ANTXR1: variants seen among roughly 807,000 people sequenced by gnomAD.
ANTXR1 encodes anthrax toxin receptor 1.
A neutral mutation model predicts 78.1 loss-of-function variants in ANTXR1; 19 were observed. The ratio of observed to expected loss-of-function variants is 0.24; its 90% CI spans 0.17 to 0.36. The LOEUF (loss-of-function observed/expected upper bound fraction) is 0.36, where lower values mean the gene tolerates loss of function less well. Ranked by LOEUF, ANTXR1 falls within the 10% of genes least tolerant of loss-of-function variation. ANTXR1 has a pLI of 1.00. For synonymous variants in ANTXR1, 273 were observed against 260.5 expected (o/e 1.05, Z -0.46); for missense variants, 518 against 718.6 (o/e 0.72, Z 3.19).
intron 13 of ANTXR1, among the ~76,000 whole-genome samples, chr2:69,159,926 A>G (rs1402258863): frequency 5.3e-5 from 8 of 152,262 alleles, no homozygotes; most frequent in Admixed American, 5.2e-4. Context: ...AAAATAAAGC[A>G]TTAAAATAAT....
At chr2:69,210,260 A>G (rs76269137) in intron 17 of ANTXR1, among the ~76,000 whole-genome samples, 1,825 of 152,322 alleles carry the variant, frequency 0.012, 39 homozygotes, top group East Asian at 0.096. Flanking sequence ...TGCCCAGAAG[A>G]CAAAATGAAA....
intron 3 of ANTXR1, among the ~76,000 whole-genome samples, chr2:69,070,365 T>G (rs548038465): frequency 6.6e-6 from 1 of 152,274 alleles, no homozygotes; most frequent in African/African-American, 2.4e-5. Flanking sequence ...TCATTTCCAA[T>G]GTAGAAGGAA....
chr2:69,031,533 G>A (rs1378705117), intron 1 of ANTXR1, among the ~76,000 whole-genome samples: 8 of 152,182 alleles, frequency 5.3e-5, no homozygotes, highest in African/African-American at 1.9e-4. Context: ...ACAGTCTATA[G>A]GGTAATTGGC....
At chr2:69,016,705 A>G (rs1671036722) in intron 1 of ANTXR1, among the ~76,000 whole-genome samples, 1 of 152,240 alleles carries the variant, frequency 6.6e-6, no homozygotes, top group Non-Finnish European at 1.5e-5. Context: ...ATATGGTACT[A>G]CTATTTGTCT....
At chr2:69,058,947 T>C (rs1327946415) in intron 3 of ANTXR1, among the ~76,000 whole-genome samples, 1 of 152,174 alleles carries the variant, frequency 6.6e-6, no homozygotes. Context: ...ACCACAGATG[T>C]GGTGGAAACA....
rs746216075 is a variant in ANTXR1, at chr2:69,124,529, CCTG to C, written c.873-32_873-30del. 3.1e-6 allele frequency: 5 copies of C among 1,600,908 alleles called. No homozygotes were observed. The African/African-American group carries it at 6.7e-5, about 21-fold the overall frequency. ...TCTCAGCCTGTTGCTCATTGCACGCCCTGCTGAGAGTCTGCTTCCCTTGTTGTC... is the reference window on the plus strand; with the variant it reads ...TCTCAGCCTGTTGCTCATTGCACGCCCTGAGAGTCTGCTTCCCTTGTTGTC... On this transcript the variant is annotated intron_variant, in intron 11 of 17. Coordinates refer to ENST00000303714, the MANE Select transcript of ANTXR1 (RefSeq NM_032208.3).
At chr2:69,238,693 C>T (rs1326858752) in intron 17 of ANTXR1, among the ~76,000 whole-genome samples, 2 of 152,178 alleles carry the variant, frequency 1.3e-5, no homozygotes, top group East Asian at 3.9e-4. Context: ...ACCTACAGCC[C>T]TCCAAACAAG....
intron 10 of ANTXR1, among the ~76,000 whole-genome samples, chr2:69,122,517 G>A (rs1025872098): frequency 6.6e-6 from 1 of 152,134 alleles, no homozygotes; most frequent in Non-Finnish European, 1.5e-5. Context: ...CATACCACAG[G>A]AAGCTATGAT....
At chr2:69,055,112 G>T (rs567759520) in intron 3 of ANTXR1, among the ~76,000 whole-genome samples, 42 of 152,228 alleles carry the variant, frequency 2.8e-4, no homozygotes, top group Non-Finnish European at 4.9e-4. Flanking sequence ...TTACTATTGT[G>T]GTTGTTGTTA....
At chr2:69,243,481 T>C (rs1675938760) in intron 17 of ANTXR1, among the ~76,000 whole-genome samples, 1 of 151,918 alleles carries the variant, frequency 6.6e-6, no homozygotes, top group Non-Finnish European at 1.5e-5. Context: ...GGGGAAATGT[T>C]TGGGGGAAAA....
chr2:69,066,614 G>A (rs1242808899), intron 3 of ANTXR1, among the ~76,000 whole-genome samples: 1 of 152,204 alleles, frequency 6.6e-6, no homozygotes, highest in East Asian at 1.9e-4. Context: ...AAGACATTGT[G>A]ACTGATTCTC....
chr2:69,224,271 G>C (rs1044707743), intron 17 of ANTXR1, among the ~76,000 whole-genome samples: 1 of 152,182 alleles, frequency 6.6e-6, no homozygotes, highest in East Asian at 1.9e-4. Context: ...ACTCAAACCA[G>C]AAGTAATGTT....
At chr2:69,027,193 A>G (rs2104012578) in intron 1 of ANTXR1, among the ~76,000 whole-genome samples, 1 of 152,242 alleles carries the variant, frequency 6.6e-6, no homozygotes, top group Admixed American at 6.5e-5. Flanking sequence ...GTGGGGGTCA[A>G]AGGGGAAACC....
intron 10 of ANTXR1, among the ~76,000 whole-genome samples, chr2:69,111,189 G>A (rs948978841): frequency 1.4e-4 from 22 of 152,154 alleles, no homozygotes; most frequent in African/African-American, 4.8e-4. Context: ...GAACTCTGCT[G>A]GCCAAGAAAA....
intron 7 of ANTXR1, 149 bp downstream of exon 7, chr2:69,075,807 G>T: frequency 1.3e-6 from 1 of 793,326 alleles, no homozygotes; most frequent in Non-Finnish European, 2.2e-6. Context: ...AGGAATTACT[G>T]GTTGTGTAAG....
At chr2:69,036,885 T>C (rs1669447672) in intron 1 of ANTXR1, among the ~76,000 whole-genome samples, 1 of 152,186 alleles carries the variant, frequency 6.6e-6, no homozygotes, top group Non-Finnish European at 1.5e-5. Flanking sequence ...GGCTGAAGGA[T>C]GGCACCCTGG....
chr2:69,141,001 G>C (rs1200025464), intron 12 of ANTXR1, among the ~76,000 whole-genome samples: 2 of 152,166 alleles, frequency 1.3e-5, no homozygotes, highest in African/African-American at 4.8e-5. Flanking sequence ...ATTTATGGTT[G>C]ATCAGCTTTG....
At chr2:69,072,798 G>A (rs1160071502) in intron 5 of ANTXR1, among the ~76,000 whole-genome samples, 3 of 152,220 alleles carry the variant, frequency 2.0e-5, no homozygotes, top group Non-Finnish European at 2.9e-5. Flanking sequence ...TTTTCAAGAT[G>A]AGGCTGAAAA....
chr2:69,120,394 G>A (rs1324191451), intron 10 of ANTXR1, among the ~76,000 whole-genome samples: 7 of 152,156 alleles, frequency 4.6e-5, no homozygotes, highest in Admixed American at 1.3e-4. Context: ...GGCCGGGTGC[G>A]GTGGCTCACG....
Sources: allele counts gnomAD v4.1 joint callset (sites outside exome capture counted in the v4.1 genomes callset), GRCh38; gene constraint gnomAD v4.1.1; transcripts MANE v1.5; gene names NCBI Gene and HGNC (gene_info 2026-07-23, HGNC 2026-07-21).